Variants in SPAG16 observed in about 807,000 individuals in gnomAD.
SPAG16 encodes the protein sperm-associated antigen 16 protein.
SPAG16 carries 86 observed loss-of-function variants against 80.4 expected under a neutral mutation model. The ratio of observed to expected loss-of-function variants is 1.07; its 90% CI spans 0.90 to 1.28. The LOEUF (loss-of-function observed/expected upper bound fraction) is 1.28, where lower values mean the gene tolerates loss of function less well. SPAG16 is among the 50% of genes most tolerant of loss of function. SPAG16 has a pLI of 0.00. For synonymous variants in SPAG16, 294 were observed against 265.9 expected, an observed-to-expected ratio of 1.11 and a Z score of -1.03; for missense variants, 870 against 765.3, an observed-to-expected ratio of 1.14 and a Z score of -1.61.
chr2:214,114,876 C>T (rs936274690), intron 14 of SPAG16, among the ~76,000 whole-genome samples: 2 of 152,166 alleles, frequency 1.3e-5, no homozygotes, highest in African/African-American at 4.8e-5. Flanking sequence ...AGAAATCACC[C>T]GTCTTCTGCA....
rs17281873 is a variant in SPAG16, at chr2:214,122,003, A to G, written c.1593+13742A>G. The stretch of plus-strand genomic sequence containing the variant: ...GGCATACTCAACCTGTACTATTGTT[A>G]ATGGAGATAATGTTCCTTTCTAGCC... On this transcript the variant is annotated intron_variant, in intron 14 of 15. Transcript: ENST00000331683. Among the ~76,000 whole-genome samples the G allele has an allele frequency of 4.2e-3, 634 of 151,918 alleles. 8 individuals are homozygous for G. Among genetic ancestry groups the G allele is most frequent in the African/African-American group, 0.014 (602 of 41,524 alleles).
At chr2:213,390,774 TATG>T (rs2067702154) in intron 9 of SPAG16, among the ~76,000 whole-genome samples, 1 of 152,206 alleles carries the variant, frequency 6.6e-6, no homozygotes, top group South Asian at 2.1e-4. Flanking sequence ...ATTAATAACT[TATG>T]ATGCATTATT....
intron 9 of SPAG16, among the ~76,000 whole-genome samples, chr2:213,451,258 A>T (rs551255028): frequency 6.6e-6 from 1 of 152,230 alleles, no homozygotes; most frequent in Admixed American, 6.5e-5. Flanking sequence ...TGAGAAAAAG[A>T]TCCTTTAATT....
intron 9 of SPAG16, among the ~76,000 whole-genome samples, chr2:213,467,124 GGT>G (rs1454215445): frequency 6.6e-6 from 1 of 152,054 alleles, no homozygotes; most frequent in African/African-American, 2.4e-5. Flanking sequence ...CCAATATTGG[GGT>G]ATTACAAGGG....
chr2:213,314,806 T>C (rs966913424), intron 4 of SPAG16, among the ~76,000 whole-genome samples: 7 of 151,944 alleles, frequency 4.6e-5, no homozygotes, highest in African/African-American at 1.7e-4. Context: ...AAAGCCTATG[T>C]CTTCTCTTCT....
chr2:213,903,436 T>G (rs2077302235), intron 11 of SPAG16, among the ~76,000 whole-genome samples: 1 of 152,192 alleles, frequency 6.6e-6, no homozygotes, highest in Admixed American at 6.5e-5. Context: ...GCTTGGAGCT[T>G]GCACCCTCTG....
intron 13 of SPAG16, among the ~76,000 whole-genome samples, chr2:214,055,494 C>G (rs905274078): frequency 3.3e-5 from 5 of 152,074 alleles, no homozygotes; most frequent in African/African-American, 9.7e-5. Context: ...AAACGCATGC[C>G]TATGGAAAAG....
At chr2:214,122,333 T>C (rs188466288) in intron 14 of SPAG16, among the ~76,000 whole-genome samples, 13 of 152,002 alleles carry the variant, frequency 8.6e-5, no homozygotes, top group East Asian at 5.8e-4. Context: ...GGCAGTTAAA[T>C]GTTTTAAATT....
In SPAG16 at chr2:214,276,756, A is replaced by T. The variant is rs370679091; in HGVS notation, c.1720+127490A>T. ...CTTCATTTGAACCTTGGTGAATCTG[A>T]CAATTATGTGTCTTGGGGTTGCTCT... is the stretch of plus-strand genomic sequence containing the variant. On this transcript the variant is annotated intron_variant, in intron 15 of 15. Coordinates refer to ENST00000331683, the MANE Select transcript of SPAG16 (RefSeq NM_024532.5). 3.3e-5 allele frequency among the ~76,000 whole-genome samples: 5 copies of T among 152,092 alleles called. No individual in the cohort carries two copies. In the East Asian group the frequency reaches 7.8e-4, roughly 24 times the overall value.
At chr2:213,738,377 A>T (rs1419757255) in intron 10 of SPAG16, among the ~76,000 whole-genome samples, 1 of 152,220 alleles carries the variant, frequency 6.6e-6, no homozygotes. Flanking sequence ...CCAGTTATTC[A>T]GAAGATAGAG....
intron 14 of SPAG16, among the ~76,000 whole-genome samples, chr2:214,126,015 CT>C (rs2054462176): frequency 1.2e-4 from 1 of 8,212 alleles, no homozygotes; most frequent in Non-Finnish European, 2.4e-4. Flanking sequence ...TCCTTCCTTC[CT>C]TCCTTCCTTC....
chr2:214,007,869 G>T lies in SPAG16; in HGVS notation c.1401-6082G>T, dbSNP rs562919782. On this transcript the variant is annotated intron_variant, in intron 12 of 15. Coordinates refer to ENST00000331683, the MANE Select transcript of SPAG16 (RefSeq NM_024532.5). ...TCAATCTTGATATGAATATTGATAG[G>T]AATGTTGACATGAAAAATATCAATG... Among the ~76,000 whole-genome samples, 7 of 152,170 alleles carry T rather than the reference G, an allele frequency of 4.6e-5. No individual in the cohort carries two copies. In the South Asian group the frequency reaches 1.5e-3, roughly 32 times the overall value.
At chr2:213,342,281 A>G (rs2064726252) in intron 6 of SPAG16, among the ~76,000 whole-genome samples, 1 of 148,790 alleles carries the variant, frequency 6.7e-6, no homozygotes, top group Admixed American at 6.8e-5. Context: ...TATTACATAC[A>G]TATGTATATA....
At chr2:213,944,295 C>A (rs2079345862) in intron 12 of SPAG16, among the ~76,000 whole-genome samples, 6 of 152,238 alleles carry the variant, frequency 3.9e-5, no homozygotes, top group Admixed American at 3.9e-4. Context: ...CCACTGGATC[C>A]AGAGGCAGAG....
intron 13 of SPAG16, among the ~76,000 whole-genome samples, chr2:214,046,271 T>TA (rs963553448): frequency 1.3e-5 from 2 of 151,650 alleles, no homozygotes; most frequent in Admixed American, 1.3e-4. Context: ...TACAAAACTT[T>TA]AAAAAAAAGA....
intron 8 of SPAG16, among the ~76,000 whole-genome samples, chr2:213,369,211 A>G (rs1376729426): frequency 1.3e-5 from 2 of 152,240 alleles, no homozygotes. Context: ...AGCAGGAAAT[A>G]CTAAAGAAGT....
Position 214,135,723 on chromosome 2 carries a change from G to GTCTCTCTCTC in SPAG16, c.1594-13400_1594-13391dup, listed in dbSNP as rs372301135. Among the ~76,000 whole-genome samples the GTCTCTCTCTC allele has an allele frequency of 2.7e-5, 4 of 145,674 alleles. No homozygotes were observed. The East Asian group carries it at 6.2e-4, about 23-fold the overall frequency. On this transcript the variant is annotated intron_variant, in intron 14 of 15. Transcript: ENST00000331683. ...TATCTCTCTCTCTCTCTGTCTCTCT[G>GTCTCTCTCTC]TCTCTCTCTCTCTCTCTCTCTCTCT...
chr2:213,719,054 GC>G (rs1462428752), intron 10 of SPAG16, among the ~76,000 whole-genome samples: 1 of 151,740 alleles, frequency 6.6e-6, no homozygotes, highest in African/African-American at 2.4e-5. Flanking sequence ...AGTGCACCAG[GC>G]GACACTCGGT....
intron 10 of SPAG16, among the ~76,000 whole-genome samples, chr2:213,590,478 A>T (rs539498526): frequency 1.3e-5 from 2 of 152,218 alleles, no homozygotes; most frequent in East Asian, 3.9e-4. Context: ...CCCATTAAAA[A>T]GTGGGCAAAG....
Sources: allele counts gnomAD v4.1 joint callset (sites outside exome capture counted in the v4.1 genomes callset), GRCh38; gene constraint gnomAD v4.1.1; transcripts MANE v1.5; gene names NCBI Gene and HGNC (gene_info 2026-07-23, HGNC 2026-07-21).